BMPER: variants seen among roughly 807,000 people sequenced by gnomAD.
The protein encoded by BMPER is BMP-binding endothelial regulator protein.
BMPER carries 45 observed loss-of-function variants against 87.3 expected under a neutral mutation model. The observed-to-expected ratio is 0.52, with a 90% CI of 0.41 to 0.66. The LOEUF is 0.66. BMPER is among the 30% of genes least tolerant of loss of function. BMPER has a pLI of 0.00. For synonymous variants in BMPER, 326 were observed against 316.2 expected, an observed-to-expected ratio of 1.03 and a Z score of -0.33; for missense variants, 784 against 867.5, an observed-to-expected ratio of 0.90 and a Z score of 1.21.
rs1786813845 is a variant in BMPER, at chr7:34,009,160, C to T, written c.576+34376C>T. On this transcript the variant is annotated intron_variant, in intron 6 of 14. Transcript: ENST00000649409. The stretch of plus-strand genomic sequence containing the variant: ...TTTTAGATGATCCTTCTACTTCAGC[C>T]TCCCAAGTAGCTGGGACTACAACCA... Among the ~76,000 whole-genome samples the T allele has an allele frequency of 2.0e-5, 3 of 151,902 alleles. No homozygotes were observed. In the South Asian group the frequency reaches 6.2e-4, roughly 32 times the overall value.
At chr7:33,920,053 A>G (rs576459045) in intron 2 of BMPER, among the ~76,000 whole-genome samples, 1 of 152,282 alleles carries the variant, frequency 6.6e-6, no homozygotes, top group African/African-American at 2.4e-5. Flanking sequence ...TGATGAAACT[A>G]ATAGTTGTGT....
chr7:34,088,284 T>G (rs911921201), intron 13 of BMPER, among the ~76,000 whole-genome samples: 7 of 152,230 alleles, frequency 4.6e-5, no homozygotes, highest in African/African-American at 7.2e-5. Context: ...GAAGGAGAGC[T>G]GGGCAATTCT....
chr7:34,077,375 A>G (rs2127973169), intron 11 of BMPER, among the ~76,000 whole-genome samples: 1 of 152,290 alleles, frequency 6.6e-6, no homozygotes, highest in East Asian at 1.9e-4. Context: ...GCGACCAAGA[A>G]AGGAATAAGA....
chr7:33,980,466 C>T (rs1785822131), intron 6 of BMPER, among the ~76,000 whole-genome samples: 1 of 152,218 alleles, frequency 6.6e-6, no homozygotes, highest in Admixed American at 6.5e-5. Flanking sequence ...TAGCAAACAG[C>T]TTTGTGTGCC....
intron 6 of BMPER, among the ~76,000 whole-genome samples, chr7:33,975,421 G>A (rs1208525538): frequency 1.3e-5 from 2 of 152,160 alleles, no homozygotes; most frequent in African/African-American, 4.8e-5. Context: ...CAAAGTCACA[G>A]GCTTGTCTTT....
rs561470559 is a variant in BMPER, at chr7:34,153,882, G to A, written c.*609G>A. The stretch of plus-strand genomic sequence containing the variant: ...CATTATTTCCAAAATTGATTGGCTG[G>A]TTGCCAAGAAATATATATTTGTCAC... On this transcript the variant is annotated 3_prime_UTR_variant, in exon 15 of 15. Transcript: ENST00000649409. 127 of 155,638 alleles carry A rather than the reference G, an allele frequency of 8.2e-4. No individual in the cohort carries two copies. The highest frequency in any genetic ancestry group is 1.4e-3 in the Non-Finnish European group (100 of 69,810). The allele number at this position is 155,638 out of a possible 1,614,324, so 9.6% of individuals were successfully genotyped here.
rs150507418 is a variant in BMPER at position 34,135,541 on chromosome 7, G to A, written c.1746-7689G>A. Reference sequence around the variant, plus strand: ...CCTGTCCTGTGAGGTCTCAGGAAGAGGCTGCATGATTCTCTGTCAGGGACT... The same window carrying A: ...CCTGTCCTGTGAGGTCTCAGGAAGAAGCTGCATGATTCTCTGTCAGGGACT... On this transcript the variant is annotated intron_variant, in intron 13 of 14. Coordinates refer to ENST00000649409, the MANE Select transcript of BMPER (RefSeq NM_001365308.1). 2.9e-3 allele frequency among the ~76,000 whole-genome samples: 440 copies of A among 152,306 alleles called. 1 individual carries two copies. The highest frequency in any genetic ancestry group is 6.3e-3 in the Admixed American group (97 of 15,296).
intron 11 of BMPER, among the ~76,000 whole-genome samples, chr7:34,063,474 C>T (rs1788496621): frequency 6.6e-6 from 1 of 151,230 alleles, no homozygotes; most frequent in Non-Finnish European, 1.5e-5. Context: ...AAGCAGAGAG[C>T]TATTAAACAG....
intron 3 of BMPER, among the ~76,000 whole-genome samples, chr7:33,952,844 T>A (rs1785059930): frequency 6.6e-6 from 1 of 152,242 alleles, no homozygotes; most frequent in Non-Finnish European, 1.5e-5. Context: ...TGTATTGACT[T>A]AGAAATCTGT....
chr7:33,994,850 C>A (rs1786358294), intron 6 of BMPER, among the ~76,000 whole-genome samples: 1 of 152,000 alleles, frequency 6.6e-6, no homozygotes, highest in South Asian at 2.1e-4. Context: ...TTCAGTTTCC[C>A]CATCAGTAAA....
chr7:33,942,588 C>A (rs1585661420), intron 3 of BMPER, among the ~76,000 whole-genome samples: 1 of 152,236 alleles, frequency 6.6e-6, no homozygotes, highest in Middle Eastern at 3.4e-3. Flanking sequence ...CCACAGCTAT[C>A]AGACAAACAA....
At chr7:34,049,434 A>G (rs1050775171) in intron 7 of BMPER, among the ~76,000 whole-genome samples, 3 of 152,188 alleles carry the variant, frequency 2.0e-5, no homozygotes, top group East Asian at 1.9e-4. Flanking sequence ...CAATAAATCA[A>G]TTGATCAATA....
chr7:33,948,107 G>A (rs895641452), intron 3 of BMPER, among the ~76,000 whole-genome samples: 2 of 152,146 alleles, frequency 1.3e-5, no homozygotes, highest in South Asian at 2.1e-4. Context: ...AAACAAAAGC[G>A]TGGTTCTTTC....
At chr7:34,098,277 A>G (rs1199762006) in intron 13 of BMPER, among the ~76,000 whole-genome samples, 1 of 152,148 alleles carries the variant, frequency 6.6e-6, no homozygotes, top group Non-Finnish European at 1.5e-5. Context: ...GAAGCCCAGT[A>G]TTCCTGTGCA....
chr7:33,924,556 CT>C (rs985131189), intron 2 of BMPER, among the ~76,000 whole-genome samples: 3 of 152,246 alleles, frequency 2.0e-5, no homozygotes, highest in African/African-American at 7.2e-5. Context: ...GAGCTTTGCT[CT>C]TTCCAGTGCC....
At position 33,966,436 on chromosome 7, in the gene BMPER, C is replaced by G. The variant is rs1291537631; in HGVS notation, c.320-43C>G. Reference sequence around the variant, plus strand: ...CTCCAAAAGGTAAAGGAAACCCATACCCATTCTTGGCCTTTCTTCCTGCTT... The same window carrying G: ...CTCCAAAAGGTAAAGGAAACCCATAGCCATTCTTGGCCTTTCTTCCTGCTT... On this transcript the variant is annotated intron_variant, in intron 3 of 14. Coordinates refer to ENST00000649409, the MANE Select transcript of BMPER (RefSeq NM_001365308.1). The G allele has an allele frequency of 5.9e-6, 9 of 1,529,400 alleles. No individual in the cohort carries two copies. The South Asian group carries it at 9.0e-5, about 15-fold the overall frequency. The allele number at this position is 1,529,400 out of a possible 1,614,324, so 94.7% of individuals were successfully genotyped here.
At chr7:34,021,124 A>G (rs1787176002) in intron 6 of BMPER, among the ~76,000 whole-genome samples, 2 of 152,102 alleles carry the variant, frequency 1.3e-5, no homozygotes, top group South Asian at 2.1e-4. Context: ...CAAATACGAG[A>G]AGAGCATTTT....
chr7:34,018,798 T>G (rs535622642), intron 6 of BMPER, among the ~76,000 whole-genome samples: 2 of 151,602 alleles, frequency 1.3e-5, no homozygotes, highest in African/African-American at 4.8e-5. Flanking sequence ...AAGACAAATT[T>G]CCAGGAGATA....
chr7:33,996,068 T>C (rs1220924322), intron 6 of BMPER, among the ~76,000 whole-genome samples: 2 of 152,184 alleles, frequency 1.3e-5, no homozygotes, highest in African/African-American at 4.8e-5. Flanking sequence ...TCTAACATGG[T>C]TGCTGCAGCA....
Sources: gnomAD v4.1 joint callset for allele counts (sites outside exome capture counted in the v4.1 genomes callset) on GRCh38, gnomAD v4.1.1 for gene constraint, MANE v1.5 for transcripts, NCBI Gene and HGNC (gene_info 2026-07-23, HGNC 2026-07-21) for gene names.